The following TOLLIP variants were observed in gnomAD, a reference collection of about 807,000 sequenced individuals.
The protein encoded by TOLLIP is toll-interacting protein.
Under a neutral mutation model 33.5 loss-of-function variants are expected in TOLLIP, and 16 were observed. The observed-to-expected ratio is 0.48, with a 90% CI of 0.32 to 0.72. The LOEUF (loss-of-function observed/expected upper bound fraction) is 0.72. TOLLIP is among the 30% of genes least tolerant of loss of function. The pLI is 0.03. For missense variants in TOLLIP, 325 were observed against 396.6 expected, an observed-to-expected ratio of 0.82 and a Z score of 1.53; for synonymous variants, 176 against 163.7, an observed-to-expected ratio of 1.07 and a Z score of -0.57.
chr11:1,276,759 G>C lies in TOLLIP; in HGVS notation c.*280C>G, dbSNP rs773105923. 2.0e-6 allele frequency: 3 copies of C among 1,491,526 alleles called. No individual in the cohort carries two copies. The highest frequency in any genetic ancestry group is 2.7e-6 in the Non-Finnish European group (3 of 1,118,300). 92.4% of individuals were successfully genotyped at this position (1,491,526 alleles called of 1,614,324 possible). ...CTCTCTACAGCAAGAGCATTTTCCA[G>C]AACGGCATGAGAAGGAGAGACGCAC... On this transcript the variant is annotated 3_prime_UTR_variant, in exon 6 of 6. Coordinates refer to ENST00000317204, the MANE Select transcript of TOLLIP (RefSeq NM_019009.4).
intron 1 of TOLLIP, among the ~76,000 whole-genome samples, chr11:1,304,767 C>T (rs1864380866): frequency 6.6e-6 from 1 of 152,084 alleles, no homozygotes; most frequent in Admixed American, 6.5e-5. Context: ...TTTTTTAAAA[C>T]TCCATTTAAT....
Position 1,277,308 on chromosome 11 carries a change from A to G in TOLLIP, c.611-55T>C, listed in dbSNP as rs1863343435. 1 of 1,385,990 alleles carries G rather than the reference A, an allele frequency of 7.2e-7. No homozygotes were observed. The highest frequency in any genetic ancestry group is 9.7e-7 in the Non-Finnish European group (1 of 1,026,506). 85.9% of individuals were successfully genotyped at this position (1,385,990 alleles called of 1,614,324 possible). On this transcript the variant is annotated intron_variant, in intron 5 of 5. Coordinates refer to ENST00000317204, the MANE Select transcript of TOLLIP (RefSeq NM_019009.4). The surrounding 1 kb of genome is among the most constrained non-coding windows in gnomAD (Gnocchi z 4.2). ...CGTCGGAAAGTTCCAGAAGTGCCAC[A>G]CTAGCTCCTGCTGAAGGAAGAAAAC...
intron 2 of TOLLIP, among the ~76,000 whole-genome samples, chr11:1,293,669 G>C (rs925968895): frequency 2.0e-5 from 3 of 152,262 alleles, no homozygotes; most frequent in East Asian, 1.9e-4. Flanking sequence ...TCCAGGGTGC[G>C]GGAGAGGACC....
rs1452508388 is a variant in TOLLIP at position 1,277,513 on chromosome 11, A to G, written c.611-260T>C. 6.6e-6 allele frequency among the ~76,000 whole-genome samples: 1 copy of G among 152,168 alleles called. No homozygotes were observed. Among genetic ancestry groups the G allele is most frequent in the East Asian group, 1.9e-4 (1 of 5,190 alleles). ...TAACTCATCTTCCTTCCATATAAAA[A>G]TCAAAGTTTGATCTTTCAAATCTCA... On this transcript the variant is annotated intron_variant, in intron 5 of 5. Transcript: ENST00000317204. This position sits in a 1 kb window ranked among gnomAD's most constrained non-coding sequence, Gnocchi z 4.2.
At position 1,277,148 on chromosome 11, in the gene TOLLIP, T is replaced by C. The variant is rs543564370; in HGVS notation, c.716A>G (p.Asp239Gly). The change falls in exon 6 of 6, where the codon GAC becomes GGC. Residue 239 changes from aspartate (D) to glycine (G), a missense_variant. Coordinates refer to ENST00000317204, the MANE Select transcript of TOLLIP (RefSeq NM_019009.4). This position sits in a 1 kb window ranked among gnomAD's most constrained non-coding sequence, Gnocchi z 4.2. ...CTCCTGGTCCATGTTGGGGAACATGTCCTGGATGGCTTTCAGGTCCTCCTC... is the reference window on the plus strand; with the variant it reads ...CTCCTGGTCCATGTTGGGGAACATGCCCTGGATGGCTTTCAGGTCCTCCTC... ...CSEEDLKAIQ[D>G]MFPNMDQEVI... 3.1e-6 allele frequency: 5 copies of C among 1,613,620 alleles called. No individual in the cohort carries two copies. In the African/African-American group the frequency reaches 4.0e-5, roughly 13 times the overall value.
intron 4 of TOLLIP, among the ~76,000 whole-genome samples, chr11:1,286,681 T>A (rs1179651586): frequency 6.6e-6 from 1 of 151,970 alleles, no homozygotes; most frequent in Non-Finnish European, 1.5e-5. Context: ...TGCACCGCTG[T>A]CATCTCTAAG....
intron 1 of TOLLIP, among the ~76,000 whole-genome samples, chr11:1,296,504 G>T (rs1471926941): frequency 6.6e-6 from 1 of 152,256 alleles, no homozygotes; most frequent in Non-Finnish European, 1.5e-5. Flanking sequence ...ACAGGTGAAA[G>T]GTCGCTGATG....
intron 1 of TOLLIP, among the ~76,000 whole-genome samples, chr11:1,296,190 C>G (rs1829189859): frequency 6.6e-6 from 1 of 152,234 alleles, no homozygotes. Context: ...CTTGGTCAAA[C>G]GAATGAGACA....
At chr11:1,308,206 T>C (rs550484007) in intron 1 of TOLLIP, among the ~76,000 whole-genome samples, 6 of 152,210 alleles carry the variant, frequency 3.9e-5, no homozygotes, top group Admixed American at 6.5e-5. Flanking sequence ...AGGTGGGGCC[T>C]GGCAGGGTGG....
rs1398820684 is a variant in TOLLIP, at chr11:1,303,303, A to C, written c.33+6163T>G. On this transcript the variant is annotated intron_variant, in intron 1 of 5. Transcript: ENST00000317204. This position sits in a 1 kb window ranked among gnomAD's most constrained non-coding sequence, Gnocchi z 4.2. ...TTCTCATTCAGATGAAACAAAAGCC[A>C]GTCAAGCAGCAGGCCAAGGGCGGAC... 1.3e-5 allele frequency among the ~76,000 whole-genome samples: 2 copies of C among 152,096 alleles called. No individual in the cohort carries two copies. The highest frequency in any genetic ancestry group is 6.5e-5 in the Admixed American group (1 of 15,274).
chr11:1,280,103 GAT>G (rs1863444913), intron 5 of TOLLIP, among the ~76,000 whole-genome samples: 1 of 152,238 alleles, frequency 6.6e-6, no homozygotes, highest in Non-Finnish European at 1.5e-5. Flanking sequence ...AGTTCCATGT[GAT>G]AGTTTGTCTC....
chr11:1,276,648 C>G lies in TOLLIP; in HGVS notation c.*391G>C, dbSNP rs751232717. 1.5e-6 allele frequency: 2 copies of G among 1,319,010 alleles called. No individual in the cohort carries two copies. Among genetic ancestry groups the G allele is most frequent in the Admixed American group, 2.3e-5 (1 of 44,338 alleles). The allele number at this position is 1,319,010 out of a possible 1,614,324, so 81.7% of individuals were successfully genotyped here. Reference sequence around the variant, plus strand: ...TTGTGTGTGCCTTAAATCAACAGCTCTATTCCAATTACATCACATCACAAA... The same window carrying G: ...TTGTGTGTGCCTTAAATCAACAGCTGTATTCCAATTACATCACATCACAAA... On this transcript the variant is annotated 3_prime_UTR_variant, in exon 6 of 6. Coordinates refer to ENST00000317204, the MANE Select transcript of TOLLIP (RefSeq NM_019009.4).
At chr11:1,299,299 C>G (rs993372220) in intron 1 of TOLLIP, among the ~76,000 whole-genome samples, 1 of 152,218 alleles carries the variant, frequency 6.6e-6, no homozygotes, top group Non-Finnish European at 1.5e-5. Flanking sequence ...CCTGCTGCCC[C>G]GCCTACCAGG....
At chr11:1,299,383 G>GTGC (rs1864201072) in intron 1 of TOLLIP, among the ~76,000 whole-genome samples, 1 of 152,178 alleles carries the variant, frequency 6.6e-6, no homozygotes, top group African/African-American at 2.4e-5. Context: ...CGAGGAGGGA[G>GTGC]TGCTACCAGT....
chr11:1,306,002 A>AGTACCCCTCGCAGGGGCCCCCACG (rs1193827017), intron 1 of TOLLIP: 5 of 151,636 alleles, frequency 3.3e-5, no homozygotes, highest in Admixed American at 6.6e-5. Context: ...GGGTCCACAC[A>AGTACCCCTCGCAGGGGCCCCCACG]GTACCCCTCG....
At chr11:1,305,270 G>A (rs769990375) in intron 1 of TOLLIP, among the ~76,000 whole-genome samples, 5 of 152,202 alleles carry the variant, frequency 3.3e-5, no homozygotes, top group Non-Finnish European at 7.3e-5. Flanking sequence ...GTGAGGAGGC[G>A]GTGAGTGCGT....
intron 2 of TOLLIP, among the ~76,000 whole-genome samples, chr11:1,293,215 AAGCCGGGAGGGTGGCCCGAGAGCTCC>A (rs1459452702): frequency 4.6e-5 from 7 of 152,290 alleles, no homozygotes; most frequent in African/African-American, 1.4e-4. Context: ...CACGGGGGAG[AAGCCGGGAGGGTGGCCCGAGAGCTCC>A]ACCTTGGGCA....
chr11:1,302,533 C>G (rs1864312871), intron 1 of TOLLIP: 1 of 971,250 alleles, frequency 1.0e-6, no homozygotes, highest in African/African-American at 1.8e-5. Flanking sequence ...GCTGCTGGCT[C>G]CCTCACCCAC....
At chr11:1,283,218 G>A (rs1863562763) in intron 5 of TOLLIP, 2 of 204,364 alleles carry the variant, frequency 9.8e-6, no homozygotes, top group Non-Finnish European at 2.0e-5. Flanking sequence ...GCAGCCCCGG[G>A]GAAACTCAGC....
Sources: allele counts gnomAD v4.1 joint callset (sites outside exome capture counted in the v4.1 genomes callset), GRCh38; gene constraint gnomAD v4.1.1; non-coding constraint Gnocchi (gnomAD v3.1); transcripts MANE v1.5; gene names NCBI Gene and HGNC (gene_info 2026-07-23, HGNC 2026-07-21).